CPEB3: variants seen among roughly 807,000 people sequenced by gnomAD.
The protein encoded by CPEB3 is cytoplasmic polyadenylation element-binding protein 3.
In CPEB3, 20 loss-of-function variants were observed where a neutral mutation model predicts 67.2. That is an observed-to-expected ratio of 0.30 (90% CI 0.21 to 0.43). CPEB3 has a LOEUF of 0.43. CPEB3 is among the 20% of genes least tolerant of loss of function. The probability of loss-of-function intolerance (pLI) is 1.00; values close to 1 mark genes in which losing one functional copy is unlikely to be tolerated. For synonymous variants in CPEB3, 376 were observed against 393.1 expected, an observed-to-expected ratio of 0.96 and a Z score of 0.51; for missense variants, 746 against 968.6, an observed-to-expected ratio of 0.77 and a Z score of 3.05.
At chr10:92,141,655 GTTA>G (rs1846429584) in intron 6 of CPEB3, among the ~76,000 whole-genome samples, 1 of 148,978 alleles carries the variant, frequency 6.7e-6, no homozygotes, top group Non-Finnish European at 1.5e-5. Flanking sequence ...AATAATAATA[GTTA>G]TTGAAATAAA....
chr10:92,188,320 T>TAAAAAAAA (rs756970118), intron 3 of CPEB3, among the ~76,000 whole-genome samples: 19 of 36,966 alleles, frequency 5.1e-4, no homozygotes, highest in Middle Eastern at 0.029. Context: ...TAAGACATAG[T>TAAAAAAAA]AAAAAAAAAA....
chr10:92,224,568 A>C (rs551509833), intron 2 of CPEB3, among the ~76,000 whole-genome samples: 14 of 152,176 alleles, frequency 9.2e-5, no homozygotes, highest in African/African-American at 2.4e-4. Flanking sequence ...GCTGAAAAAA[A>C]AACAACAACA....
chr10:92,277,833 G>A (rs946945280), intron 1 of CPEB3, among the ~76,000 whole-genome samples: 83 of 152,166 alleles, frequency 5.5e-4, no homozygotes, highest in African/African-American at 2.0e-3. Context: ...GGAGGTTGCA[G>A]TGAGTTGAGA....
At chr10:92,088,794 A>T (rs1389739599) in intron 8 of CPEB3, among the ~76,000 whole-genome samples, 4 of 152,242 alleles carry the variant, frequency 2.6e-5, no homozygotes, top group Non-Finnish European at 5.9e-5. Context: ...CTAGTCCAGG[A>T]TCAGTCTACA....
intron 2 of CPEB3, among the ~76,000 whole-genome samples, chr10:92,233,025 T>C (rs1051988655): frequency 6.6e-6 from 1 of 152,182 alleles, no homozygotes; most frequent in African/African-American, 2.4e-5. Context: ...AAATAGATAA[T>C]GTGGTTTTGC....
chr10:92,107,063 T>A (rs557516087), intron 7 of CPEB3, among the ~76,000 whole-genome samples: 1 of 152,152 alleles, frequency 6.6e-6, no homozygotes, highest in East Asian at 1.9e-4. Flanking sequence ...GTGCTACAGA[T>A]CCCACTCATA....
chr10:92,137,590 C>G lies in CPEB3; in HGVS notation c.1453+5439G>C, dbSNP rs1208593669. The G allele has an allele frequency of 1.3e-5, 9 of 698,842 alleles. No homozygotes were observed. The East Asian group carries it at 2.3e-4, about 18-fold the overall frequency. 43.3% of individuals were successfully genotyped at this position (698,842 alleles called of 1,614,324 possible). On this transcript the variant is annotated intron_variant, in intron 6 of 9. Transcript: ENST00000265997. ...GGAAGAGTTGACCCTGGAGGGGGTC[C>G]ACCAATTCTACATCAATGTGGAACA...
At chr10:92,199,330 G>A (rs1300385599) in intron 2 of CPEB3, among the ~76,000 whole-genome samples, 1 of 150,126 alleles carries the variant, frequency 6.7e-6, no homozygotes, top group Non-Finnish European at 1.5e-5. Context: ...GGTGGAGGTT[G>A]CGGTGAGCCG....
intron 4 of CPEB3, among the ~76,000 whole-genome samples, chr10:92,145,764 T>C (rs1846649831): frequency 6.6e-6 from 1 of 152,230 alleles, no homozygotes; most frequent in Non-Finnish European, 1.5e-5. Flanking sequence ...CTTTCTTTAG[T>C]CATTTCTTAA....
chr10:92,097,378 G>A (rs775425894), intron 7 of CPEB3, among the ~76,000 whole-genome samples: 3 of 152,286 alleles, frequency 2.0e-5, no homozygotes, highest in Non-Finnish European at 2.9e-5. Flanking sequence ...TACAGTGATG[G>A]AATGTTTTGT....
At chr10:92,225,529 A>C (rs1564884690) in intron 2 of CPEB3, among the ~76,000 whole-genome samples, 1 of 152,100 alleles carries the variant, frequency 6.6e-6, no homozygotes. Flanking sequence ...AACAAAAAAA[A>C]CAACAAAACA....
At chr10:92,063,369 G>A (rs941441571) in intron 9 of CPEB3, among the ~76,000 whole-genome samples, 26 of 152,328 alleles carry the variant, frequency 1.7e-4, no homozygotes, top group South Asian at 4.1e-4. Context: ...ATTGGCCAAG[G>A]TCAGGCTAAG....
intron 6 of CPEB3, among the ~76,000 whole-genome samples, chr10:92,132,722 C>T (rs894746282): frequency 6.6e-6 from 1 of 152,168 alleles, no homozygotes; most frequent in Non-Finnish European, 1.5e-5. Context: ...ACGTTCTTGT[C>T]AGCGCCACAT....
Position 92,048,383 on chromosome 10 carries a change from T to C in CPEB3, c.*3829A>G, listed in dbSNP as rs61875181. 1.3e-5 allele frequency: 1 copy of C among 76,168 alleles called. No individual in the cohort carries two copies. The highest frequency in any genetic ancestry group is 2.3e-5 in the Non-Finnish European group (1 of 42,896). The allele number at this position is 76,168 out of a possible 1,614,324, so 4.7% of individuals were successfully genotyped here. Reference sequence around the variant, plus strand: ...GTTTTTCTCTCTCTCTCTCTCTCTCTCTCTCACACACACACACACACACAC... The same window carrying C: ...GTTTTTCTCTCTCTCTCTCTCTCTCCCTCTCACACACACACACACACACAC... On this transcript the variant is annotated 3_prime_UTR_variant, in exon 10 of 10. Coordinates refer to ENST00000265997, the MANE Select transcript of CPEB3 (RefSeq NM_014912.5). This position sits in a 1 kb window ranked among gnomAD's most constrained non-coding sequence, Gnocchi z 4.1.
intron 4 of CPEB3, among the ~76,000 whole-genome samples, chr10:92,157,658 C>T (rs1043793616): frequency 5.3e-5 from 8 of 152,086 alleles, no homozygotes; most frequent in African/African-American, 1.9e-4. Context: ...ACCAGCCAAC[C>T]TAATAAGATC....
At chr10:92,187,206 CA>C (rs1412603195) in intron 3 of CPEB3, among the ~76,000 whole-genome samples, 2 of 152,162 alleles carry the variant, frequency 1.3e-5, no homozygotes, top group Non-Finnish European at 2.9e-5. Context: ...TCCATTTTAA[CA>C]CCAAAGGGGT....
Position 92,052,145 on chromosome 10 carries a change from A to T in CPEB3, c.*67T>A. The T allele has an allele frequency of 9.5e-7, 1 of 1,049,176 alleles. No individual in the cohort carries two copies. The highest frequency in any genetic ancestry group is 1.5e-6 in the Non-Finnish European group (1 of 680,764). 65.0% of individuals were successfully genotyped at this position (1,049,176 alleles called of 1,614,324 possible). On this transcript the variant is annotated 3_prime_UTR_variant, in exon 10 of 10. Transcript: ENST00000265997. ...GATTTCCAGAACACTGTAAGCCCTG[A>T]GGCAGTGCCCTCTCTTTTCCCTCCT...
intron 9 of CPEB3, among the ~76,000 whole-genome samples, chr10:92,060,381 A>G (rs776866093): frequency 1.6e-4 from 24 of 152,250 alleles, no homozygotes; most frequent in Middle Eastern, 3.4e-3. Context: ...ATAGATTAAA[A>G]TCTTAAATCT....
intron 2 of CPEB3, among the ~76,000 whole-genome samples, chr10:92,202,106 G>A (rs1849552514): frequency 6.6e-6 from 1 of 152,050 alleles, no homozygotes. Flanking sequence ...CACACACCCT[G>A]ACAACTCCAA....
Sources: gnomAD v4.1 joint callset for allele counts (sites outside exome capture counted in the v4.1 genomes callset) on GRCh38, gnomAD v4.1.1 for gene constraint, Gnocchi (gnomAD v3.1) non-coding constraint, MANE v1.5 for transcripts, NCBI Gene and HGNC (gene_info 2026-07-23, HGNC 2026-07-21) for gene names.